Variants in ADGB observed in about 807,000 individuals in gnomAD.
ADGB encodes calpain-7-like protein.
ADGB carries 172 observed loss-of-function variants against 210.5 expected under a neutral mutation model. That is an observed-to-expected ratio of 0.82 (90% CI 0.72 to 0.93). The LOEUF is 0.93. Ranked by LOEUF, ADGB falls within the 40% of genes least tolerant of loss-of-function variation. The probability of loss-of-function intolerance (pLI) is 0.00; values close to 1 mark genes in which losing one functional copy is unlikely to be tolerated. For synonymous variants in ADGB, 658 were observed against 662.7 expected (o/e 0.99, Z 0.11); for missense variants, 2,025 against 1,964.8 (o/e 1.03, Z -0.58).
chr6:146,630,437 G>A (rs983359428), intron 1 of ADGB, among the ~76,000 whole-genome samples: 1 of 151,738 alleles, frequency 6.6e-6, no homozygotes, highest in African/African-American at 2.4e-5. Flanking sequence ...AAGAATAAAA[G>A]CCAGACATGT....
In ADGB at chr6:146,614,176, TCTCC is replaced by T. The variant is rs147963385; in HGVS notation, c.74+15085_74+15088del. On this transcript the variant is annotated intron_variant, in intron 1 of 35. Transcript: ENST00000397944. ...CCCTTTTATCCCCAAACTTGTTTTC[TCTCC>T]CTCCCTCCCTCCCTCCCTCCCTTCC... 9.4e-3 allele frequency among the ~76,000 whole-genome samples: 1,309 copies of T among 139,346 alleles called. 14 individuals carry two copies. The highest frequency in any genetic ancestry group is 0.03 in the African/African-American group (1,043 of 34,740). The allele number at this position is 139,346 out of a possible 152,430, so 91.4% of individuals were successfully genotyped here. A position where few individuals can be genotyped will look rare whatever the true frequency, so the allele number is the denominator to read the frequency against.
chr6:146,753,813 G>A (rs1777361344), intron 27 of ADGB, among the ~76,000 whole-genome samples: 1 of 151,748 alleles, frequency 6.6e-6, no homozygotes, highest in African/African-American at 2.4e-5. Context: ...TACTCAGTTT[G>A]TTGGATCATA....
At chr6:146,752,998 AC>A (rs1163773668) in intron 27 of ADGB, among the ~76,000 whole-genome samples, 1 of 151,830 alleles carries the variant, frequency 6.6e-6, no homozygotes, top group African/African-American at 2.4e-5. Flanking sequence ...GAATATTTTT[AC>A]TTTTTTAAAT....
intron 35 of ADGB, among the ~76,000 whole-genome samples, chr6:146,814,575 T>A (rs1778354023): frequency 6.6e-6 from 1 of 152,186 alleles, no homozygotes; most frequent in African/African-American, 2.4e-5. Context: ...AAAGTCAAGC[T>A]GACAAGAGCA....
chr6:146,695,088 C>T (rs1037504764), intron 12 of ADGB, among the ~76,000 whole-genome samples: 2 of 152,174 alleles, frequency 1.3e-5, no homozygotes, highest in Non-Finnish European at 2.9e-5. Flanking sequence ...TATTACTATA[C>T]TGTCTTCTAA....
chr6:146,664,339 G>A lies in ADGB; in HGVS notation c.751G>A (p.Asp251Asn), dbSNP rs1172352524. ...AGCTATTATCAAGCTGGCAAATATT[G>A]AGTATGTAATGACACTATCACTCAC... The part of the protein sequence containing the change: ...SKAIIKLANI[D>N]IHVADRRELG... Residue 251 changes from aspartate to asparagine, a missense_variant and splice_region_variant, in exon 6 of 36, where the codon GAC becomes AAC. Transcript: ENST00000397944. 1.3e-6 allele frequency: 2 copies of A among 1,547,148 alleles called. No individual in the cohort carries two copies. The highest frequency in any genetic ancestry group is 2.7e-5 in the African/African-American group (2 of 72,814).
chr6:146,801,118 A>T lies in ADGB; in HGVS notation c.4538-65A>T, dbSNP rs557482977. ...CAACCAATTAAAATGAGATATAGTC[A>T]TTTGGTTAGTCATTATTATTTTTTA... On this transcript the variant is annotated intron_variant, in intron 33 of 35. Coordinates refer to ENST00000397944, the MANE Select transcript of ADGB (RefSeq NM_024694.4). The T allele has an allele frequency of 4.9e-6, 4 of 808,816 alleles. No homozygotes were observed. The African/African-American group carries it at 5.4e-5, about 11-fold the overall frequency. The allele number at this position is 808,816 out of a possible 1,614,324, so 50.1% of individuals were successfully genotyped here.
intron 7 of ADGB, among the ~76,000 whole-genome samples, chr6:146,667,551 T>G (rs1298409356): frequency 2.0e-5 from 3 of 151,976 alleles, no homozygotes; most frequent in Admixed American, 6.6e-5. Flanking sequence ...CCTTCATATT[T>G]TGGGGTGGCA....
At chr6:146,728,794 G>T in intron 20 of ADGB, 53 bp downstream of exon 20, 1 of 1,408,732 alleles carries the variant, frequency 7.1e-7, no homozygotes, top group Non-Finnish European at 9.5e-7. Context: ...TTTTCAAAAT[G>T]GTATATCTTC....
rs535861548 is a variant in ADGB at position 146,687,110 on chromosome 6, T to C, written c.1311+1282T>C. On this transcript the variant is annotated intron_variant, in intron 10 of 35. Coordinates refer to ENST00000397944, the MANE Select transcript of ADGB (RefSeq NM_024694.4). ...GTGTTCATAAGAGGATTATGTGCCA[T>C]CCTGAATATGGCAGTTTCACTATTT... Among the ~76,000 whole-genome samples the C allele has an allele frequency of 9.2e-5, 14 of 152,258 alleles. No homozygotes were observed. In the South Asian group the frequency reaches 2.7e-3, roughly 29 times the overall value.
At chr6:146,802,783 A>G in intron 35 of ADGB, 2 of 1,603,768 alleles carry the variant, frequency 1.2e-6, no homozygotes, top group Admixed American at 3.4e-5. Context: ...CCTCTTTAGT[A>G]GATGAAATCT....
intron 11 of ADGB, among the ~76,000 whole-genome samples, chr6:146,691,500 A>ATATATT (rs1257984997): frequency 1.5e-4 from 2 of 13,640 alleles, no homozygotes; most frequent in African/African-American, 6.7e-4. Flanking sequence ...ATATATATAT[A>ATATATT]TTTTTTTTTT....
chr6:146,798,854 A>G (rs189746066), intron 33 of ADGB, among the ~76,000 whole-genome samples: 219 of 152,192 alleles, frequency 1.4e-3, no homozygotes, highest in African/African-American at 5.1e-3. Context: ...TGTAGAATTT[A>G]TGTATTGAAA....
At chr6:146,741,716 G>A (rs1200816210) in intron 25 of ADGB, among the ~76,000 whole-genome samples, 1 of 152,158 alleles carries the variant, frequency 6.6e-6, no homozygotes, top group Non-Finnish European at 1.5e-5. Context: ...CATTTTGAGA[G>A]CTAAATAAAT....
At chr6:146,708,096 T>C (rs1168271141) in intron 13 of ADGB, among the ~76,000 whole-genome samples, 3 of 152,134 alleles carry the variant, frequency 2.0e-5, no homozygotes, top group Non-Finnish European at 4.4e-5. Context: ...CTCTACACTT[T>C]TACTCTGTCT....
At chr6:146,616,000 T>C (rs776300533) in intron 1 of ADGB, among the ~76,000 whole-genome samples, 1 of 152,140 alleles carries the variant, frequency 6.6e-6, no homozygotes, top group Non-Finnish European at 1.5e-5. Flanking sequence ...CTGTTTTTCA[T>C]AGTAGCTGTA....
chr6:146,699,036 A>G (rs2114541842), intron 12 of ADGB, among the ~76,000 whole-genome samples: 1 of 152,330 alleles, frequency 6.6e-6, no homozygotes, highest in East Asian at 1.9e-4. Flanking sequence ...TTAATGCTTC[A>G]TGATTTCTGA....
At position 146,733,192 on chromosome 6, in the gene ADGB, G is replaced by T. The variant is rs773933675; in HGVS notation, c.2593G>T (p.Ala865Ser). 6.5e-7 allele frequency: 1 copy of T among 1,542,810 alleles called. No individual in the cohort carries two copies. Among genetic ancestry groups the T allele is most frequent in the African/African-American group, 1.4e-5 (1 of 72,916 alleles). ...ITKPPPNFKFAFRAMVLDLEL... is the reference protein window; with the variant it reads ...ITKPPPNFKFSFRAMVLDLEL... ...AAAACCTCCTCCAAACTTCAAATTTGCATTCCGGGCTATGGTTTTGGACTT... is the reference window on the plus strand; with the variant it reads ...AAAACCTCCTCCAAACTTCAAATTTTCATTCCGGGCTATGGTTTTGGACTT... Residue 865 changes from alanine to serine, a missense_variant, in exon 21 of 36, where the codon GCA becomes TCA. Transcript: ENST00000397944.
intron 2 of ADGB, among the ~76,000 whole-genome samples, chr6:146,642,298 A>T (rs1405645293): frequency 6.6e-6 from 1 of 152,070 alleles, no homozygotes; most frequent in African/African-American, 2.4e-5. Context: ...AGTGTAAATT[A>T]GTTCAACCAT....
Sources: allele counts gnomAD v4.1 joint callset (sites outside exome capture counted in the v4.1 genomes callset), GRCh38; gene constraint gnomAD v4.1.1; transcripts MANE v1.5; gene names NCBI Gene and HGNC (gene_info 2026-07-23, HGNC 2026-07-21).